The following MANBA variants were observed in gnomAD, a reference collection of about 807,000 sequenced individuals.
MANBA encodes beta-mannosidase.
In MANBA, 83 loss-of-function variants were observed where a neutral mutation model predicts 111.1. That is an observed-to-expected ratio of 0.75 (90% CI 0.63 to 0.90). MANBA has a LOEUF of 0.90. Among genes scored for constraint, MANBA ranks in the 40% least tolerant of loss-of-function variants. The pLI, the probability that MANBA is intolerant of heterozygous loss-of-function variation, is 0.00. For synonymous variants in MANBA, 370 were observed against 378.7 expected, an observed-to-expected ratio of 0.98 and a Z score of 0.27; for missense variants, 1,036 against 1,069.0, an observed-to-expected ratio of 0.97 and a Z score of 0.43.
chr4:102,689,893 T>C (rs999363193), intron 6 of MANBA, among the ~76,000 whole-genome samples: 2 of 152,074 alleles, frequency 1.3e-5, no homozygotes, highest in African/African-American at 4.8e-5. Context: ...GATCAATACA[T>C]CAAAAGCAAA....
At chr4:102,728,711 A>T in intron 1 of MANBA, 1 of 667,746 alleles carries the variant, frequency 1.5e-6, no homozygotes, top group Non-Finnish European at 2.6e-6. Flanking sequence ...GGAGAGTCGC[A>T]GGAGGGGCAG....
chr4:102,727,317 T>C (rs1223277865), intron 1 of MANBA: 7 of 648,350 alleles, frequency 1.1e-5, no homozygotes, highest in African/African-American at 1.8e-5. Context: ...CGTGCTCTCA[T>C]TGATATAGTT....
intron 1 of MANBA, among the ~76,000 whole-genome samples, chr4:102,757,543 G>A (rs563343252): frequency 2.8e-4 from 42 of 152,222 alleles, no homozygotes; most frequent in African/African-American, 9.6e-4. Flanking sequence ...TCCCCCTTCT[G>A]TCTCCCAATC....
At chr4:102,657,227 G>GGA (rs201831240) in intron 12 of MANBA, among the ~76,000 whole-genome samples, 1,281 of 123,456 alleles carry the variant, frequency 0.01, 39 homozygotes, top group African/African-American at 0.034. Context: ...TGGGGTGGGG[G>GGA]GGGGGTGGGC....
In MANBA at chr4:102,673,998, T is replaced by C. The variant is rs567048987; in HGVS notation, c.1033A>G (p.Ile345Val). Residue 345 changes from isoleucine (I) to valine (V), a missense_variant, in exon 8 of 17, where the codon ATT becomes GTT. Physicochemically the swap from Ile to Val is conservative, Grantham distance 29. Coordinates refer to ENST00000647097, the MANE Select transcript of MANBA (RefSeq NM_005908.4). The stretch of plus-strand genomic sequence containing the variant: ...TTTAGAAATATGGGAAATCCATTAA[T>C]TTTGAAATAGAAACTCAAACCAGGA... The part of the protein sequence containing the change: ...GSPGLSFYFK[I>V]NGFPIFLKGS... The C allele has an allele frequency of 6.2e-7, 1 of 1,607,542 alleles. No individual in the cohort carries two copies. The highest frequency in any genetic ancestry group is 1.1e-5 in the South Asian group (1 of 90,948).
At chr4:102,656,201 C>T (rs1276768078) in intron 12 of MANBA, among the ~76,000 whole-genome samples, 1 of 152,116 alleles carries the variant, frequency 6.6e-6, no homozygotes, top group African/African-American at 2.4e-5. Flanking sequence ...CTGCAGTGAG[C>T]CGTGACCACT....
At chr4:102,640,007 C>T (rs554399062) in intron 13 of MANBA, 150 bp from the exon 14 acceptor site, 7 of 803,914 alleles carry the variant, frequency 8.7e-6, no homozygotes, top group Non-Finnish European at 1.5e-5. Context: ...ATTAGGAATA[C>T]ATTATACTAG....
intron 4 of MANBA, among the ~76,000 whole-genome samples, chr4:102,722,165 G>T (rs1722608265): frequency 6.6e-6 from 1 of 151,992 alleles, no homozygotes; most frequent in South Asian, 2.1e-4. Flanking sequence ...AATGGGTAGA[G>T]TTTCAGTTTT....
intron 10 of MANBA, chr4:102,667,872 A>C (rs975865254): frequency 2.0e-5 from 3 of 152,192 alleles, no homozygotes; most frequent in East Asian, 1.9e-4. Context: ...GTTGCAGAGC[A>C]CTATAAAAAC....
intron 5 of MANBA, among the ~76,000 whole-genome samples, chr4:102,711,037 T>C (rs1722042458): frequency 6.6e-6 from 1 of 152,056 alleles, no homozygotes; most frequent in African/African-American, 2.4e-5. Flanking sequence ...ACGAGAAGCA[T>C]TTCAAGACAT....
intron 4 of MANBA, among the ~76,000 whole-genome samples, chr4:102,721,569 G>C (rs2110192492): frequency 6.6e-6 from 1 of 152,318 alleles, no homozygotes; most frequent in Admixed American, 6.5e-5. Context: ...TATATGCATA[G>C]AATGGTATGT....
At chr4:102,724,616 C>G (rs559060749) in intron 2 of MANBA, among the ~76,000 whole-genome samples, 1 of 151,992 alleles carries the variant, frequency 6.6e-6, no homozygotes, top group East Asian at 1.9e-4. Flanking sequence ...ATTTACTGAC[C>G]CTGTCTAAGA....
chr4:102,667,816 T>C (rs1035177638), intron 10 of MANBA: 3 of 152,218 alleles, frequency 2.0e-5, no homozygotes, highest in African/African-American at 7.2e-5. Flanking sequence ...CATTGTAGCT[T>C]TACCTGAGGT....
At chr4:102,748,539 C>T (rs1049997611) in intron 1 of MANBA, among the ~76,000 whole-genome samples, 3 of 152,036 alleles carry the variant, frequency 2.0e-5, no homozygotes, top group Middle Eastern at 3.4e-3. Flanking sequence ...CACAAGAAAC[C>T]GGTTAATCAT....
In MANBA at chr4:102,671,250, A is replaced by G. The variant is rs145644484; in HGVS notation, c.1230+31T>C. On this transcript the variant is annotated intron_variant, in intron 9 of 16. Transcript: ENST00000647097. ...AGTCAAACTGAGGATATAGTAACTT[A>G]TCAATATATAAAATGCTATCAACTT... is the stretch of plus-strand genomic sequence containing the variant. 70 of 1,312,916 alleles carry G rather than the reference A, an allele frequency of 5.3e-5. No individual in the cohort carries two copies. The African/African-American group carries it at 7.7e-4, about 14-fold the overall frequency. 81.3% of individuals were successfully genotyped at this position (1,312,916 alleles called of 1,614,324 possible).
At chr4:102,741,505 C>A (rs536375079) in intron 1 of MANBA, among the ~76,000 whole-genome samples, 68 of 152,286 alleles carry the variant, frequency 4.5e-4, no homozygotes, top group Non-Finnish European at 8.5e-4. Context: ...TATAGCACCA[C>A]AATTCGCAAT....
chr4:102,703,098 A>G (rs1291774190), intron 5 of MANBA, among the ~76,000 whole-genome samples: 1 of 152,182 alleles, frequency 6.6e-6, no homozygotes, highest in Non-Finnish European at 1.5e-5. Context: ...TACTACAGAG[A>G]TAGCTACTGT....
chr4:102,636,881 C>T (rs552156042), intron 14 of MANBA, among the ~76,000 whole-genome samples: 15 of 152,286 alleles, frequency 9.8e-5, no homozygotes, highest in Admixed American at 3.3e-4. Context: ...CTACCCAAAT[C>T]TCATCTTGAA....
intron 1 of MANBA, chr4:102,728,448 G>C (rs763385034): frequency 2.3e-6 from 1 of 434,796 alleles, no homozygotes; most frequent in East Asian, 5.6e-5. Context: ...ATTGAAGAGA[G>C]GGACTCTTTG....
Sources: allele counts gnomAD v4.1 joint callset (sites outside exome capture counted in the v4.1 genomes callset), GRCh38; gene constraint gnomAD v4.1.1; transcripts MANE v1.5; gene names NCBI Gene and HGNC (gene_info 2026-07-23, HGNC 2026-07-21).